SLC36A4: variants seen among roughly 807,000 people sequenced by gnomAD.
SLC36A4 encodes neutral amino acid uniporter 4.
In SLC36A4, 49 loss-of-function variants were observed where a neutral mutation model predicts 50.5. The observed-to-expected ratio is 0.97, with a 90% CI of 0.77 to 1.23. SLC36A4 has a LOEUF of 1.23. SLC36A4 is among the 50% of genes most tolerant of loss of function. The pLI, the probability that SLC36A4 is intolerant of heterozygous loss-of-function variation, is 0.00. For synonymous variants in SLC36A4, 207 were observed against 206.5 expected, an observed-to-expected ratio of 1.00 and a Z score of -0.02; for missense variants, 611 against 608.4, an observed-to-expected ratio of 1.00 and a Z score of -0.05.
chr11:93,185,963 T>G, intron 1 of SLC36A4, 149 bp from the exon 2 acceptor site: 2 of 589,016 alleles, frequency 3.4e-6, no homozygotes, highest in East Asian at 6.4e-5. Context: ...ACCCTGAGTT[T>G]TAGTACATTT....
intron 6 of SLC36A4, among the ~76,000 whole-genome samples, chr11:93,176,807 C>T (rs1346444218): frequency 6.6e-6 from 1 of 152,182 alleles, no homozygotes; most frequent in Non-Finnish European, 1.5e-5. Context: ...GGAGTTTCTG[C>T]CGAGAGATCC....
chr11:93,168,170 A>G lies in SLC36A4; in HGVS notation c.542T>C (p.Val181Ala), dbSNP rs527539896. The G allele has an allele frequency of 3.1e-6, 5 of 1,590,244 alleles. No homozygotes were observed. The East Asian group carries it at 1.1e-4, about 36-fold the overall frequency. ...TTTACTCTCCAGGAATCCTTCATGA[A>G]CCTACATAGGATTACCAGGAGAATA... ...IVFLAENVKQ[V>A]HEGFLESKVF... The change falls in exon 7 of 11, where the codon GTT becomes GCT. Residue 181 changes from valine to alanine, a missense_variant and splice_region_variant. Val to Ala is a moderately conservative substitution (Grantham distance 64, BLOSUM62 0). Transcript: ENST00000326402.
At chr11:93,154,415 G>A (rs1860251402) in intron 9 of SLC36A4, 138 bp from the exon 10 acceptor site, 1 of 399,800 alleles carries the variant, frequency 2.5e-6, no homozygotes, top group Non-Finnish European at 4.4e-6. Flanking sequence ...ATGCTTGTTT[G>A]TAAAAAAGGC....
At chr11:93,189,595 G>C (rs1274981442) in intron 1 of SLC36A4, among the ~76,000 whole-genome samples, 2 of 152,074 alleles carry the variant, frequency 1.3e-5, no homozygotes, top group Non-Finnish European at 2.9e-5. Context: ...TATTCATTTA[G>C]CTTATCCAAA....
At chr11:93,170,638 A>T (rs765113203) in intron 6 of SLC36A4, among the ~76,000 whole-genome samples, 2 of 152,002 alleles carry the variant, frequency 1.3e-5, no homozygotes, top group Non-Finnish European at 2.9e-5. Flanking sequence ...ATATTGCTAC[A>T]TTTTTTATTT....
intron 3 of SLC36A4, 33 bp from the exon 4 acceptor site, chr11:93,182,927 A>C: frequency 6.9e-7 from 1 of 1,459,624 alleles, no homozygotes; most frequent in Non-Finnish European, 9.5e-7. Flanking sequence ...AGGTTTAAAT[A>C]TTTAACAGAA....
chr11:93,146,018 C>T lies in SLC36A4; in HGVS notation c.*2519G>A, dbSNP rs2134615696. On this transcript the variant is annotated 3_prime_UTR_variant, in exon 11 of 11. Transcript: ENST00000326402. ...ACTTTCTTCCTTTTTAGCCCCTCTT[C>T]TTTTCTGCAATTCAACTTTTTCTTG... is the stretch of plus-strand genomic sequence containing the variant. 1 of 150,024 alleles carries T rather than the reference C, an allele frequency of 6.7e-6. No individual in the cohort carries two copies. Among genetic ancestry groups the T allele is most frequent in the Non-Finnish European group, 1.5e-5 (1 of 67,702 alleles). The allele number at this position is 150,024 out of a possible 1,614,324, so 9.3% of individuals were successfully genotyped here.
At chr11:93,160,693 T>G (rs1246731148) in intron 9 of SLC36A4, 2 of 985,252 alleles carry the variant, frequency 2.0e-6, no homozygotes, top group Admixed American at 6.2e-5. Context: ...CTTTGGAAAC[T>G]TCCCCCCTAA....
At chr11:93,164,168 G>GAGAC (rs1276819951) in intron 8 of SLC36A4, among the ~76,000 whole-genome samples, 2 of 152,108 alleles carry the variant, frequency 1.3e-5, no homozygotes, top group African/African-American at 4.8e-5. Context: ...CCTCTCTCAG[G>GAGAC]AGACAGAACT....
chr11:93,181,092 GTTC>G (rs1351519450), intron 5 of SLC36A4, among the ~76,000 whole-genome samples: 4 of 152,150 alleles, frequency 2.6e-5, no homozygotes, highest in African/African-American at 7.2e-5. Flanking sequence ...TACTAACACT[GTTC>G]TTCTTTTAAT....
intron 9 of SLC36A4, among the ~76,000 whole-genome samples, chr11:93,161,564 A>C (rs1286364213): frequency 1.3e-5 from 2 of 152,162 alleles, no homozygotes; most frequent in Non-Finnish European, 2.9e-5. Context: ...AACATTTTTG[A>C]CTCCAATAAA....
chr11:93,149,530 A>G (rs1288489130), intron 10 of SLC36A4, among the ~76,000 whole-genome samples: 1 of 152,096 alleles, frequency 6.6e-6, no homozygotes, highest in Non-Finnish European at 1.5e-5. Flanking sequence ...GATGTGATAC[A>G]CTGAGAAGTG....
chr11:93,180,880 T>C lies in SLC36A4; in HGVS notation c.457A>G (p.Ser153Gly). 6.2e-7 allele frequency: 1 copy of C among 1,608,094 alleles called. No individual in the cohort carries two copies. The highest frequency in any genetic ancestry group is 8.5e-7 in the Non-Finnish European group (1 of 1,175,108). Residue 153 changes from serine to glycine, a missense_variant and splice_region_variant, in exon 6 of 11, where the codon AGT becomes GGT. Ser to Gly is a moderately conservative substitution (Grantham distance 56). Transcript: ENST00000326402. ...CLQKQAAWGR[S>G]VVDFFLVITQ... ...ATCACCAGAAAAAAGTCAACCACAC[T>C]CCTGAAAAAAGATATCCACAAATGA...
intron 10 of SLC36A4, 97 bp from the exon 11 acceptor site, chr11:93,148,941 G>A: frequency 8.8e-7 from 1 of 1,141,262 alleles, no homozygotes; most frequent in Non-Finnish European, 1.2e-6. Flanking sequence ...GTAATTACTA[G>A]AAATAATTAA....
At chr11:93,178,346 C>T (rs1861584844) in intron 6 of SLC36A4, among the ~76,000 whole-genome samples, 1 of 152,156 alleles carries the variant, frequency 6.6e-6, no homozygotes, top group African/African-American at 2.4e-5. Flanking sequence ...TTGTGCTTCC[C>T]TGGTGAGATG....
At chr11:93,184,300 T>A (rs1861878580) in intron 3 of SLC36A4, 130 bp downstream of exon 3, 1 of 684,872 alleles carries the variant, frequency 1.5e-6, no homozygotes. Flanking sequence ...CACAATTTTA[T>A]CAAGACAACA....
In SLC36A4 at chr11:93,185,741, C is replaced by T; in HGVS notation, c.129G>A (p.Glu43=). The T allele has an allele frequency of 6.2e-7, 1 of 1,609,880 alleles. No individual in the cohort carries two copies. Among genetic ancestry groups the T allele is most frequent in the Non-Finnish European group, 8.5e-7 (1 of 1,178,774 alleles). The part of the protein sequence containing the change: ...DGTSDEEHEQ[E]LLPVQKHYQL... ...GGTAATGCTTCTGAACAGGCAGAAG[C>T]TCTTGCTCATGTTCTTCATCTGATG... The change falls in exon 2 of 11, where the codon GAG becomes GAA. Residue 43 remains glutamate (E), a synonymous_variant. Transcript: ENST00000326402.
chr11:93,165,855 G>A (rs958326173), intron 8 of SLC36A4, 63 bp downstream of exon 8: 2 of 967,714 alleles, frequency 2.1e-6, no homozygotes, highest in Non-Finnish European at 3.0e-6. Context: ...ATACAGGTAG[G>A]CTATATAAAT....
intron 6 of SLC36A4, among the ~76,000 whole-genome samples, chr11:93,168,971 A>G (rs1274532612): frequency 2.6e-5 from 4 of 152,052 alleles, no homozygotes; most frequent in African/African-American, 9.7e-5. Flanking sequence ...ATTATAGAGG[A>G]CTTTAGAAAC....
Sources: allele counts gnomAD v4.1 joint callset (sites outside exome capture counted in the v4.1 genomes callset), GRCh38; gene constraint gnomAD v4.1.1; transcripts MANE v1.5; gene names NCBI Gene and HGNC (gene_info 2026-07-23, HGNC 2026-07-21).